Variants in KIF18A observed in about 807,000 individuals in gnomAD.
KIF18A encodes kinesin family member 18A.
KIF18A carries 67 observed loss-of-function variants against 103.3 expected under a neutral mutation model. The observed-to-expected ratio is 0.65, with a 90% CI of 0.53 to 0.79. The LOEUF (loss-of-function observed/expected upper bound fraction) is 0.79. KIF18A is among the 30% of genes least tolerant of loss of function. The pLI, the probability that KIF18A is intolerant of heterozygous loss-of-function variation, is 0.00. For missense variants in KIF18A, 1,032 were observed against 1,062.5 expected, an observed-to-expected ratio of 0.97 and a Z score of 0.40; for synonymous variants, 367 against 355.5, an observed-to-expected ratio of 1.03 and a Z score of -0.36.
At chr11:28,081,619 G>A (rs968257999) in intron 9 of KIF18A, among the ~76,000 whole-genome samples, 1 of 152,126 alleles carries the variant, frequency 6.6e-6, no homozygotes, top group Non-Finnish European at 1.5e-5. Context: ...TGGTCACTCA[G>A]GAGTTCTCAT....
In KIF18A at chr11:28,046,789, T is replaced by C. The variant is rs1590674322; in HGVS notation, c.1949-10125A>G. 2.0e-5 allele frequency among the ~76,000 whole-genome samples: 3 copies of C among 146,360 alleles called. No homozygotes were observed. The East Asian group carries it at 6.0e-4, about 29-fold the overall frequency. ...AATACTGTCTGGCTGTGGTGGCTCA[T>C]GCCTGTAATCCCAGCACTTTGGGAG... On this transcript the variant is annotated intron_variant, in intron 13 of 16. Coordinates refer to ENST00000263181, the MANE Select transcript of KIF18A (RefSeq NM_031217.4).
intron 9 of KIF18A, among the ~76,000 whole-genome samples, chr11:28,082,253 C>T (rs1235187469): frequency 6.6e-6 from 1 of 152,102 alleles, no homozygotes; most frequent in Non-Finnish European, 1.5e-5. Flanking sequence ...TAAAGAAGTT[C>T]TACCGTGGGT....
chr11:28,058,919 T>C lies in KIF18A; in HGVS notation c.1948+7A>G. On this transcript the variant is annotated splice_region_variant and intron_variant, in intron 13 of 16. Transcript: ENST00000263181. The stretch of plus-strand genomic sequence containing the variant: ...TACTATTTACTTAAAACGAAAGTTA[T>C]ACTTACAACAAGGAATAGGCTGAAC... 6.2e-7 allele frequency: 1 copy of C among 1,607,216 alleles called. No homozygotes were observed. Among genetic ancestry groups the C allele is most frequent in the Non-Finnish European group, 8.5e-7 (1 of 1,174,416 alleles).
chr11:28,062,460 T>G lies in KIF18A; in HGVS notation c.1647A>C (p.Lys549Asn). ...GATCCATCATATGTCTAATTTGTGCTTTCAAATCTTTGTTCTGGAGGTGCA... is the reference window on the plus strand; with the variant it reads ...GATCCATCATATGTCTAATTTGTGCGTTCAAATCTTTGTTCTGGAGGTGCA... ...HHLHLQNKDLKAQIRHMMDLA... is the reference protein window; with the variant it reads ...HHLHLQNKDLNAQIRHMMDLA... Residue 549 changes from lysine (K) to asparagine (N), a missense_variant, in exon 12 of 17, where the codon AAA becomes AAC. Lys to Asn is a moderately conservative substitution (Grantham distance 94, BLOSUM62 0). Coordinates refer to ENST00000263181, the MANE Select transcript of KIF18A (RefSeq NM_031217.4). 1 of 1,611,992 alleles carries G rather than the reference T, an allele frequency of 6.2e-7. No homozygotes were observed. The highest frequency in any genetic ancestry group is 2.2e-5 in the East Asian group (1 of 44,762).
At chr11:28,044,822 T>C (rs185986332) in intron 13 of KIF18A, among the ~76,000 whole-genome samples, 19 of 152,134 alleles carry the variant, frequency 1.2e-4, no homozygotes, top group Admixed American at 9.2e-4. Flanking sequence ...CAATGTAACA[T>C]GGATTACAAC....
intron 15 of KIF18A, among the ~76,000 whole-genome samples, chr11:28,031,748 C>T (rs191916023): frequency 8.0e-4 from 121 of 151,276 alleles, no homozygotes; most frequent in Middle Eastern, 3.4e-3. Context: ...AAGCCATACA[C>T]GACAGACCCA....
At chr11:28,037,579 C>T (rs1850509924) in intron 13 of KIF18A, among the ~76,000 whole-genome samples, 1 of 151,358 alleles carries the variant, frequency 6.6e-6, no homozygotes, top group Non-Finnish European at 1.5e-5. Flanking sequence ...ACTTGCCTGT[C>T]CCCAGGATAT....
intron 10 of KIF18A, among the ~76,000 whole-genome samples, chr11:28,071,439 AT>A (rs1469134609): frequency 1.3e-5 from 2 of 150,302 alleles, no homozygotes; most frequent in Non-Finnish European, 3.0e-5. Context: ...CATAATTTTT[AT>A]TTTAATTATT....
At chr11:28,088,037 A>C (rs1221212996) in intron 6 of KIF18A, among the ~76,000 whole-genome samples, 1 of 152,122 alleles carries the variant, frequency 6.6e-6, no homozygotes, top group Non-Finnish European at 1.5e-5. Context: ...TCTAGTAAAC[A>C]TTACCTTATT....
chr11:28,094,779 C>T lies in KIF18A; in HGVS notation c.347G>A (p.Gly116Asp), dbSNP rs749995901. 2 of 1,613,842 alleles carry T rather than the reference C, an allele frequency of 1.2e-6. No homozygotes were observed. The highest frequency in any genetic ancestry group is 2.7e-5 in the African/African-American group (2 of 74,902). The change falls in exon 3 of 17, where the codon GGT becomes GAT. Residue 116 changes from glycine to aspartate, a missense_variant. Transcript: ENST00000263181. ...NCTVLAYGAT[G>D]AGKTHTMLGS... is the part of the protein sequence containing the mutation. ...TAGCATAGTGTGGGTCTTCCCAGCA[C>T]CAGTGGCACCATAGGCAAGTACTGA...
intron 12 of KIF18A, among the ~76,000 whole-genome samples, chr11:28,060,871 A>G (rs1308766741): frequency 6.6e-6 from 1 of 152,252 alleles, no homozygotes; most frequent in Non-Finnish European, 1.5e-5. Flanking sequence ...CTTCCAAAGC[A>G]GAGAACATTT....
At chr11:28,052,597 C>T (rs1850724809) in intron 13 of KIF18A, among the ~76,000 whole-genome samples, 1 of 152,064 alleles carries the variant, frequency 6.6e-6, no homozygotes, top group South Asian at 2.1e-4. Flanking sequence ...CTGAAAATAG[C>T]AATCTCTCTC....
At chr11:28,077,548 C>A (rs1851110194) in intron 9 of KIF18A, among the ~76,000 whole-genome samples, 1 of 152,124 alleles carries the variant, frequency 6.6e-6, no homozygotes, top group Non-Finnish European at 1.5e-5. Context: ...TGGGCATGCA[C>A]TATCCAAATT....
At chr11:28,036,977 CA>C (rs1850501450) in intron 13 of KIF18A, among the ~76,000 whole-genome samples, 1 of 151,498 alleles carries the variant, frequency 6.6e-6, no homozygotes, top group Admixed American at 6.6e-5. Flanking sequence ...ATAAAATTCA[CA>C]ATTTCTAGCT....
intron 13 of KIF18A, among the ~76,000 whole-genome samples, chr11:28,053,653 C>T (rs559143794): frequency 3.6e-3 from 3 of 836 alleles, no homozygotes; most frequent in South Asian, 0.2. Flanking sequence ...ATCCCTCCCC[C>T]CTTTCCCCCA....
chr11:28,035,170 A>C (rs1850468265), intron 15 of KIF18A, among the ~76,000 whole-genome samples: 1 of 151,614 alleles, frequency 6.6e-6, no homozygotes, highest in Non-Finnish European at 1.5e-5. Context: ...AGTCTGTAAT[A>C]TGAAATATTT....
chr11:28,030,167 T>C (rs980201325), intron 15 of KIF18A, among the ~76,000 whole-genome samples: 1 of 131,580 alleles, frequency 7.6e-6, no homozygotes, highest in Non-Finnish European at 1.6e-5. Context: ...CTTCACAGAA[T>C]TGGAAAAGAC....
chr11:28,083,819 C>T (rs1454050658), intron 7 of KIF18A, among the ~76,000 whole-genome samples: 1 of 152,052 alleles, frequency 6.6e-6, no homozygotes, highest in Admixed American at 6.6e-5. Flanking sequence ...TGTTACAAAC[C>T]TTTCTGTACA....
chr11:28,100,962 T>C (rs1257580052), intron 1 of KIF18A, among the ~76,000 whole-genome samples: 1 of 152,092 alleles, frequency 6.6e-6, no homozygotes, highest in Non-Finnish European at 1.5e-5. Flanking sequence ...TAATAATACC[T>C]CAATGTTTGT....
Sources: gnomAD v4.1 joint callset for allele counts (sites outside exome capture counted in the v4.1 genomes callset) on GRCh38, gnomAD v4.1.1 for gene constraint, MANE v1.5 for transcripts, NCBI Gene and HGNC (gene_info 2026-07-23, HGNC 2026-07-21) for gene names.